USP54: variants seen among roughly 807,000 people sequenced by gnomAD.
USP54 encodes the protein ubiquitin carboxyl-terminal hydrolase 54.
Under a neutral mutation model 170.5 loss-of-function variants are expected in USP54, and 87 were observed. That is an observed-to-expected ratio of 0.51 (90% CI 0.43 to 0.61). USP54 has a LOEUF of 0.61. Among genes scored for constraint, USP54 ranks in the 20% least tolerant of loss-of-function variants. The pLI, the probability that USP54 is intolerant of heterozygous loss-of-function variation, is 0.00. For missense variants in USP54, 1,786 were observed against 2,047.8 expected (o/e 0.87, Z 2.47); for synonymous variants, 655 against 742.8 (o/e 0.88, Z 1.92).
chr10:73,598,953 C>A (rs1487267687), intron 1 of USP54, among the ~76,000 whole-genome samples: 1 of 148,572 alleles, frequency 6.7e-6, no homozygotes, highest in East Asian at 2.0e-4. Flanking sequence ...GTGGCGCATG[C>A]CTGTAGTCCC....
chr10:73,508,224 T>C (rs973011676), intron 20 of USP54, among the ~76,000 whole-genome samples: 6 of 151,956 alleles, frequency 3.9e-5, no homozygotes, highest in Admixed American at 1.3e-4. Context: ...CTGGCCAACA[T>C]GGCGAAACCC....
In USP54 at chr10:73,529,817, T is replaced by C. The variant is rs2063646013; in HGVS notation, c.1923A>G (p.Ala641=). 1 of 1,611,750 alleles carries C rather than the reference T, an allele frequency of 6.2e-7. No homozygotes were observed. The highest frequency in any genetic ancestry group is 8.5e-7 in the Non-Finnish European group (1 of 1,178,586). ...GCTCTAAAAGGTGAGAGCCTGGCCG[T>C]GCTGGGCCCCAGCGCTTGTACTGGG... ...PSPQYKRWGP[A]RPGSHLLEQH... Residue 641 remains alanine (A), a synonymous_variant, in exon 15 of 24, where the codon GCA becomes GCG. Transcript: ENST00000687698.
intron 18 of USP54, 144 bp from the exon 19 acceptor site, chr10:73,520,136 G>A: frequency 1.8e-6 from 2 of 1,141,630 alleles, no homozygotes; most frequent in Non-Finnish European, 2.4e-6. Context: ...CCATGCATAT[G>A]CTGTCCAGGG....
intron 1 of USP54, among the ~76,000 whole-genome samples, chr10:73,610,785 T>A (rs562862141): frequency 1.3e-5 from 2 of 152,328 alleles, no homozygotes; most frequent in African/African-American, 4.8e-5. Flanking sequence ...TGTTTTCATT[T>A]AAAAACTCAA....
At chr10:73,612,839 CAAAAAAAA>C (rs756355670) in intron 1 of USP54, among the ~76,000 whole-genome samples, 11 of 42,134 alleles carry the variant, frequency 2.6e-4, no homozygotes, top group Non-Finnish European at 4.5e-4. Flanking sequence ...GACATTGTCT[CAAAAAAAA>C]AAAAAAAAAA....
intron 17 of USP54, among the ~76,000 whole-genome samples, chr10:73,523,111 T>G (rs1344555469): frequency 2.0e-5 from 3 of 152,198 alleles, no homozygotes; most frequent in Admixed American, 2.0e-4. Flanking sequence ...GCAAATTGTT[T>G]GAGGTTACAG....
chr10:73,533,715 A>G (rs1016146577), intron 12 of USP54, among the ~76,000 whole-genome samples: 24 of 152,198 alleles, frequency 1.6e-4, no homozygotes, highest in Non-Finnish European at 1.6e-4. Context: ...TCTTCCCTGT[A>G]TTGATTTCTT....
At chr10:73,595,008 C>A (rs1440842948), upstream of USP54, among the ~76,000 whole-genome samples, 1 of 151,490 alleles carries the variant, frequency 6.6e-6, no homozygotes, top group African/African-American at 2.4e-5. Flanking sequence ...TCACTGCAAT[C>A]TCTGCCTCCC....
Position 73,498,924 on chromosome 10 carries a change from C to T in USP54, c.4760G>A (p.Trp1587Ter), listed in dbSNP as rs774401324. The part of the protein sequence containing the change: ...KGLQVPHTQS[W>*]SDLFHSPSHP... ...GGAGGGTGAATGGAAAAGATCACTCCAGGACTGAGTGTGAGGAACCTGAAG... is the reference window on the plus strand; with the variant it reads ...GGAGGGTGAATGGAAAAGATCACTCTAGGACTGAGTGTGAGGAACCTGAAG... Residue 1587 changes from tryptophan to a stop codon, truncating the protein, a stop_gained, in exon 24 of 24, where the codon TGG (tryptophan) becomes TAG (stop). Transcript: ENST00000687698. LOFTEE classifies it high-confidence loss of function. 1.2e-6 allele frequency: 2 copies of T among 1,614,080 alleles called. No homozygotes were observed. Among genetic ancestry groups the T allele is most frequent in the African/African-American group, 1.3e-5 (1 of 74,990 alleles).
intron 23 of USP54, 89 bp downstream of exon 23, chr10:73,500,566 C>T (rs1408515473): frequency 1.6e-6 from 2 of 1,289,132 alleles, no homozygotes; most frequent in South Asian, 1.5e-5. Context: ...TGGGATACCC[C>T]CCTCCCCATA....
Position 73,519,909 on chromosome 10 carries a change from G to C in USP54, c.2566C>G (p.Arg856Gly). The C allele has an allele frequency of 6.2e-7, 1 of 1,614,020 alleles. No homozygotes were observed. Among genetic ancestry groups the C allele is most frequent in the Non-Finnish European group, 8.5e-7 (1 of 1,179,990 alleles). The change falls in exon 19 of 24, where the codon CGA (arginine) becomes GGA (glycine). Residue 856 changes from arginine to glycine, a missense_variant. Arg to Gly is a moderately radical substitution (Grantham distance 125, BLOSUM62 -2). Around this residue, in one of 3 missense-constraint regions of USP54, gnomAD observed 1,418 missense variants for 1,569.0 expected, o/e 0.90. Coordinates refer to ENST00000687698, the MANE Select transcript of USP54 (RefSeq NM_001391956.1). ...LVDKKLQISI[R>G]KARSLQDRMQ... ...CGATCCTGCAGGCTCCGTGCTTTTC[G>C]AATACTGATTTGCAACTTCTTATCG...
chr10:73,562,452 T>A (rs556943788), intron 4 of USP54, among the ~76,000 whole-genome samples: 1 of 152,338 alleles, frequency 6.6e-6, no homozygotes, highest in East Asian at 1.9e-4. Context: ...CACTTCCTTT[T>A]TCTCTACAGA....
At chr10:73,613,822 T>C (rs2080369749) in intron 1 of USP54, 1 of 151,804 alleles carries the variant, frequency 6.6e-6, no homozygotes, top group South Asian at 2.1e-4. Context: ...GAGGTTACAG[T>C]TGAGCCGAGA....
In USP54 at chr10:73,526,682, G is replaced by T; in HGVS notation, c.2159C>A (p.Ser720Tyr). 6.2e-7 allele frequency: 1 copy of T among 1,614,142 alleles called. No homozygotes were observed. Among genetic ancestry groups the T allele is most frequent in the Non-Finnish European group, 8.5e-7 (1 of 1,180,012 alleles). The change falls in exon 16 of 24, where the codon TCC becomes TAC. Residue 720 changes from serine to tyrosine, a missense_variant. This residue lies in a region of USP54 where 1,418 missense variants were observed against 1,569.0 expected (regional missense o/e 0.90). Coordinates refer to ENST00000687698, the MANE Select transcript of USP54 (RefSeq NM_001391956.1). ...SSILEVDSTA[S>Y]MGGWTKSQPF... ...CTGACTCTTTGTCCAGCCACCCATG[G>T]ATGCTGTGGAGTCTACCTCCAGGAT...
At chr10:73,525,833 G>C (rs536328237) in intron 16 of USP54, among the ~76,000 whole-genome samples, 1 of 152,280 alleles carries the variant, frequency 6.6e-6, no homozygotes, top group South Asian at 2.1e-4. Context: ...GCTGCTGCAG[G>C]CCTTTCTTCC....
intron 15 of USP54, 127 bp from the exon 16 acceptor site, chr10:73,526,907 C>T (rs549659377): frequency 1.7e-6 from 2 of 1,147,226 alleles, no homozygotes; most frequent in East Asian, 2.6e-5. Flanking sequence ...TAAACTACTT[C>T]TGAAGAATTG....
upstream of USP54, among the ~76,000 whole-genome samples, chr10:73,594,124 G>A: frequency 6.6e-6 from 1 of 151,646 alleles, no homozygotes; most frequent in African/African-American, 2.4e-5. Flanking sequence ...AGGCTGGAGT[G>A]CAGTGACACG....
At chr10:73,518,148 C>A in intron 19 of USP54, 1 of 984,128 alleles carries the variant, frequency 1.0e-6, no homozygotes, top group Non-Finnish European at 1.2e-6. Context: ...TCATACCAAA[C>A]AGCAAAAATC....
At chr10:73,562,694 T>G (rs2073349845) in intron 4 of USP54, among the ~76,000 whole-genome samples, 1 of 152,220 alleles carries the variant, frequency 6.6e-6, no homozygotes, top group South Asian at 2.1e-4. Flanking sequence ...CACTCTAGTG[T>G]AGTTGGAATG....
Sources: gnomAD v4.1 joint callset for allele counts (sites outside exome capture counted in the v4.1 genomes callset) on GRCh38, gnomAD v4.1.1 for gene constraint, gnomAD v4.1.1 regional missense constraint, MANE v1.5 for transcripts, NCBI Gene and HGNC (gene_info 2026-07-23, HGNC 2026-07-21) for gene names.